The following TARDBP variants were observed in gnomAD, a reference collection of about 807,000 sequenced individuals.
TARDBP encodes TAR DNA binding protein, also known as TAR DNA-binding protein 43.
Under a neutral mutation model 38.3 loss-of-function variants are expected in TARDBP, and 4 were observed. The ratio of observed to expected loss-of-function variants is 0.10; its 90% CI spans 0.05 to 0.24. The LOEUF (loss-of-function observed/expected upper bound fraction) is 0.24, where lower values mean the gene tolerates loss of function less well. Among genes scored for constraint, TARDBP ranks in the 10% least tolerant of loss-of-function variants. TARDBP has a pLI of 1.00. For missense variants in TARDBP, 202 were observed against 521.9 expected, an observed-to-expected ratio of 0.39 and a Z score of 5.97; for synonymous variants, 184 against 183.8, an observed-to-expected ratio of 1.00 and a Z score of -0.01.
intron 3 of TARDBP, chr1:11,018,519 A>C (rs1048829795): frequency 1.6e-6 from 1 of 644,824 alleles, no homozygotes; most frequent in African/African-American, 1.8e-5. Context: ...ACTCAAAAAC[A>C]TTTCTGTTGT....
chr1:11,019,665 C>T (rs1027833920), intron 4 of TARDBP, among the ~76,000 whole-genome samples: 8 of 151,658 alleles, frequency 5.3e-5, no homozygotes, highest in Non-Finnish European at 1.2e-4. Context: ...CTCCCGGGTT[C>T]ACGTCGTTCT....
downstream of TARDBP, among the ~76,000 whole-genome samples, chr1:11,028,861 A>C (rs1189464653): frequency 1.3e-4 from 18 of 136,962 alleles, no homozygotes; most frequent in South Asian, 4.6e-4. Context: ...CTACAGGCAC[A>C]CGCCACCACA....
Position 11,022,415 on chromosome 1 carries a change from A to G in TARDBP, c.1006A>G (p.Met336Val). Residue 336 changes from methionine (M) to valine (V), a missense_variant, in exon 6 of 6, where the codon ATG becomes GTG. Coordinates refer to ENST00000240185, the MANE Select transcript of TARDBP (RefSeq NM_007375.4). The surrounding 1 kb of genome is among the most constrained non-coding windows in gnomAD (Gnocchi z 4.5). ...AQAALQSSWG[M>V]MGMLASQQNQ... ...GGCAGCACTACAGAGCAGTTGGGGT[A>G]TGATGGGCATGTTAGCCAGCCAGCA... 1 of 1,613,958 alleles carries G rather than the reference A, an allele frequency of 6.2e-7. No individual in the cohort carries two copies. The highest frequency in any genetic ancestry group is 8.5e-7 in the Non-Finnish European group (1 of 1,179,840).
At position 11,022,722 on chromosome 1, in the gene TARDBP, A is replaced by G. The variant is rs1379462291; in HGVS notation, c.*68A>G. The G allele has an allele frequency of 1.3e-6, 2 of 1,558,958 alleles. No individual in the cohort carries two copies. Among genetic ancestry groups the G allele is most frequent in the Non-Finnish European group, 1.7e-6 (2 of 1,154,318 alleles). On this transcript the variant is annotated 3_prime_UTR_variant, in exon 6 of 6. Transcript: ENST00000240185. The surrounding 1 kb of genome is among the most constrained non-coding windows in gnomAD (Gnocchi z 4.5). ...AAATTTTTCTAAACTCATGGTAAGT[A>G]TATTGTAAAATACATATGTACTAAG...
At chr1:11,029,787 TACC>T (rs142237350), downstream of TARDBP, 5,857 of 163,102 alleles carry the variant, frequency 0.036, 372 homozygotes, top group African/African-American at 0.13. Context: ...TACAGGCATG[TACC>T]ACCACACCCG....
At chr1:11,012,988 G>A (rs1288387813) in intron 1 of TARDBP, among the ~76,000 whole-genome samples, 6 of 152,258 alleles carry the variant, frequency 3.9e-5, no homozygotes, top group Non-Finnish European at 7.3e-5. Flanking sequence ...GTTGGCCCCG[G>A]ACCCGGACAG....
intron 5 of TARDBP, among the ~76,000 whole-genome samples, chr1:11,021,005 G>A (rs1297894323): frequency 6.6e-6 from 1 of 152,162 alleles, no homozygotes; most frequent in Non-Finnish European, 1.5e-5. Context: ...TTCTGACCTT[G>A]TAAGACGTAG....
rs1002881271 is a variant in TARDBP at position 11,020,398 on chromosome 1, T to A, written c.544-31T>A. 6.2e-7 allele frequency: 1 copy of A among 1,613,736 alleles called. No individual in the cohort carries two copies. Among genetic ancestry groups the A allele is most frequent in the African/African-American group, 1.3e-5 (1 of 74,906 alleles). The stretch of plus-strand genomic sequence containing the variant: ...TTTTTCATTGTTCATAACATATTTC[T>A]GAGTTTTTTTCTTCCTTTTGATTTG... On this transcript the variant is annotated intron_variant, in intron 4 of 5. Transcript: ENST00000240185.
downstream of TARDBP, chr1:11,027,350 G>A (rs763990476): frequency 1.1e-5 from 17 of 1,614,022 alleles, no homozygotes; most frequent in Middle Eastern, 1.6e-4. Context: ...TCAGTGCTAT[G>A]TCATTGTCAA....
intron 3 of TARDBP, among the ~76,000 whole-genome samples, chr1:11,017,241 C>T (rs1322091575): frequency 5.0e-5 from 7 of 141,066 alleles, no homozygotes; most frequent in African/African-American, 1.9e-4. Flanking sequence ...TCTCACTTTG[C>T]TGCCCAGGCT....
downstream of TARDBP, chr1:11,027,048 C>G: frequency 6.3e-7 from 1 of 1,593,604 alleles, no homozygotes; most frequent in Non-Finnish European, 8.5e-7. Flanking sequence ...TGCCCCTCCG[C>G]TGTCACCTCT....
chr1:11,021,249 T>C (rs1207589097), intron 5 of TARDBP, among the ~76,000 whole-genome samples: 2 of 152,056 alleles, frequency 1.3e-5, no homozygotes, highest in Non-Finnish European at 2.9e-5. Context: ...AGCGATTGTC[T>C]TGGCTCAGCC....
At position 11,025,180 on chromosome 1, in the gene TARDBP, A is replaced by G. The variant is rs940520503; in HGVS notation, c.*2526A>G. 6.6e-6 allele frequency: 1 copy of G among 152,590 alleles called. No homozygotes were observed. The highest frequency in any genetic ancestry group is 2.4e-5 in the African/African-American group (1 of 41,442). 9.5% of individuals were successfully genotyped at this position (152,590 alleles called of 1,614,324 possible). ...TGGTACTCGGGGACCTCCAAAGACT[A>G]AACTGACAAGCCTTCAAGGAGCCCA... On this transcript the variant is annotated 3_prime_UTR_variant, in exon 6 of 6. Coordinates refer to ENST00000240185, the MANE Select transcript of TARDBP (RefSeq NM_007375.4).
chr1:11,014,884 A>C (rs1643484164), intron 2 of TARDBP, among the ~76,000 whole-genome samples: 1 of 151,670 alleles, frequency 6.6e-6, no homozygotes. Flanking sequence ...TGCAGTGAGC[A>C]GAGATTGTGC....
At position 11,023,121 on chromosome 1, in the gene TARDBP, G is replaced by C; in HGVS notation, c.*467G>C. 6.5e-7 allele frequency: 1 copy of C among 1,534,822 alleles called. No individual in the cohort carries two copies. Among genetic ancestry groups the C allele is most frequent in the African/African-American group, 1.4e-5 (1 of 72,720 alleles). On this transcript the variant is annotated 3_prime_UTR_variant, in exon 6 of 6. Coordinates refer to ENST00000240185, the MANE Select transcript of TARDBP (RefSeq NM_007375.4). ...TGGTGTCACAGTGTTTGGTTCTTTT[G>C]TTTTGTTTTTTAACACTTGTCTCCC...
At chr1:11,021,296 G>A (rs1643633552) in intron 5 of TARDBP, among the ~76,000 whole-genome samples, 2 of 151,938 alleles carry the variant, frequency 1.3e-5, no homozygotes, top group Admixed American at 1.3e-4. Context: ...CTGCCACCAC[G>A]CCTGGCTGAT....
At chr1:11,026,987 C>A, downstream of TARDBP, 1 of 1,592,214 alleles carries the variant, frequency 6.3e-7, no homozygotes, top group South Asian at 1.1e-5. Context: ...AACCCCAGGA[C>A]ACTATTCCTC....
At chr1:11,027,314 G>A (rs1433763122), downstream of TARDBP, 1 of 1,613,978 alleles carries the variant, frequency 6.2e-7, no homozygotes, top group African/African-American at 1.3e-5. Flanking sequence ...TGTTGCTATT[G>A]ATTACAACTT....
intron 4 of TARDBP, 63 bp downstream of exon 4, chr1:11,018,936 A>C: frequency 1.2e-6 from 2 of 1,609,200 alleles, no homozygotes; most frequent in Non-Finnish European, 8.5e-7. Flanking sequence ...TGTAAGATAA[A>C]ATGTTAAACA....
Sources: gnomAD v4.1 joint callset for allele counts (sites outside exome capture counted in the v4.1 genomes callset) on GRCh38, gnomAD v4.1.1 for gene constraint, Gnocchi (gnomAD v3.1) non-coding constraint, MANE v1.5 for transcripts, NCBI Gene and HGNC (gene_info 2026-07-23, HGNC 2026-07-21) for gene names.